Variants in DCLK2 observed in about 807,000 individuals in gnomAD.
DCLK2 encodes the protein doublecortin like kinase 2, also known as serine/threonine-protein kinase DCLK2.
DCLK2 carries 31 observed loss-of-function variants against 78.4 expected under a neutral mutation model. The ratio of observed to expected loss-of-function variants is 0.40; its 90% CI spans 0.30 to 0.53. The LOEUF (loss-of-function observed/expected upper bound fraction) is 0.53. DCLK2 is among the 20% of genes least tolerant of loss of function. DCLK2 has a pLI of 0.61. For synonymous variants in DCLK2, 407 were observed against 374.9 expected, an observed-to-expected ratio of 1.09 and a Z score of -0.99; for missense variants, 872 against 973.7, an observed-to-expected ratio of 0.90 and a Z score of 1.39.
At chr4:150,203,606 T>TG (rs1739613597) in intron 4 of DCLK2, among the ~76,000 whole-genome samples, 189 bp from the exon 5 acceptor site, 1 of 151,786 alleles carries the variant, frequency 6.6e-6, no homozygotes. Flanking sequence ...CACTCTGTTT[T>TG]TTTTTTTTTT....
At chr4:150,096,138 G>A (rs965808375) in intron 1 of DCLK2, among the ~76,000 whole-genome samples, 11 of 152,212 alleles carry the variant, frequency 7.2e-5, no homozygotes, top group African/African-American at 2.7e-4. Flanking sequence ...AGAAGGCAGG[G>A]TAGAAGGAGT....
chr4:150,131,284 A>C (rs555569769), intron 2 of DCLK2, among the ~76,000 whole-genome samples: 1 of 152,178 alleles, frequency 6.6e-6, no homozygotes. Context: ...AAATTAAACA[A>C]ATGTGATATT....
rs57146406 is a variant in DCLK2, at chr4:150,091,769, ATGTGTGTG to A, written c.422-10677_422-10670del. 3.5e-3 allele frequency among the ~76,000 whole-genome samples: 412 copies of A among 116,980 alleles called. 3 individuals carry two copies. Among genetic ancestry groups the A allele is most frequent in the East Asian group, 9.0e-3 (39 of 4,322 alleles). The allele number at this position is 116,980 out of a possible 152,430, so 76.7% of individuals were successfully genotyped here. On this transcript the variant is annotated intron_variant, in intron 1 of 15. Transcript: ENST00000296550. ...GTTCTTTGTCCTAAAAGGAACATTT[ATGTGTGTG>A]TGTGTGTGTGTGTGTGTGTGTGTGT...
chr4:150,181,093 G>T (rs1039393621), intron 2 of DCLK2, among the ~76,000 whole-genome samples: 2 of 152,150 alleles, frequency 1.3e-5, no homozygotes, highest in Admixed American at 6.5e-5. Context: ...ACTCTTGATT[G>T]GACCTAAGCA....
At chr4:150,143,379 C>T (rs1369988978) in intron 2 of DCLK2, among the ~76,000 whole-genome samples, 2 of 152,132 alleles carry the variant, frequency 1.3e-5, no homozygotes, top group Non-Finnish European at 2.9e-5. Flanking sequence ...TGAGGTGGCT[C>T]ATGCCTGTGA....
intron 5 of DCLK2, among the ~76,000 whole-genome samples, chr4:150,213,548 A>G (rs1292061795): frequency 2.0e-5 from 3 of 152,032 alleles, no homozygotes; most frequent in South Asian, 2.1e-4. Context: ...TGTTGAAAAA[A>G]CCCACAAAAA....
chr4:150,177,472 C>T (rs920730731), intron 2 of DCLK2, among the ~76,000 whole-genome samples: 6 of 151,918 alleles, frequency 3.9e-5, no homozygotes, highest in Admixed American at 3.9e-4. Flanking sequence ...TTTCCTCCAT[C>T]GAAGAACTTT....
chr4:150,121,070 T>TA (rs374179742), intron 2 of DCLK2, among the ~76,000 whole-genome samples: 2,536 of 149,094 alleles, frequency 0.017, 65 homozygotes, highest in African/African-American at 0.056. Context: ...AAACTTTGTC[T>TA]AAAAAAAAAA....
chr4:150,158,848 A>G (rs1312411458), intron 2 of DCLK2, among the ~76,000 whole-genome samples: 1 of 152,100 alleles, frequency 6.6e-6, no homozygotes, highest in African/African-American at 2.4e-5. Context: ...TGACAGTGAG[A>G]CACCATCTCA....
intron 2 of DCLK2, among the ~76,000 whole-genome samples, chr4:150,168,361 A>C (rs1190471475): frequency 4.0e-5 from 6 of 151,370 alleles, no homozygotes; most frequent in Non-Finnish European, 7.4e-5. Flanking sequence ...AAAAAAAAAA[A>C]CCCAAGTCAG....
At chr4:150,167,280 A>G (rs1026843216) in intron 2 of DCLK2, among the ~76,000 whole-genome samples, 3 of 152,228 alleles carry the variant, frequency 2.0e-5, no homozygotes, top group Non-Finnish European at 2.9e-5. Flanking sequence ...TCCTTGTCTT[A>G]TGAAGGACAG....
At chr4:150,122,691 G>T (rs959126758) in intron 2 of DCLK2, among the ~76,000 whole-genome samples, 5 of 152,152 alleles carry the variant, frequency 3.3e-5, no homozygotes, top group African/African-American at 1.2e-4. Context: ...ACCATAGCAC[G>T]TGTATACCTA....
chr4:150,252,928 A>T (rs1371862318), intron 15 of DCLK2, among the ~76,000 whole-genome samples: 1 of 152,058 alleles, frequency 6.6e-6, no homozygotes, highest in Non-Finnish European at 1.5e-5. Context: ...GGTGGCACCC[A>T]TTCTCGATGG....
At chr4:150,239,565 C>A (rs1742753386) in intron 10 of DCLK2, among the ~76,000 whole-genome samples, 177 bp from the exon 11 acceptor site, 1 of 151,842 alleles carries the variant, frequency 6.6e-6, no homozygotes, top group African/African-American at 2.4e-5. Context: ...CACACCACCG[C>A]ACTCCAGCCT....
rs9307872 is a variant in DCLK2, at chr4:150,256,364, C to T, written c.*117C>T. The T allele has an allele frequency of 0.043, 59,042 of 1,370,456 alleles. 1,838 individuals are homozygous for T. The highest frequency in any genetic ancestry group is 0.19 in the East Asian group (7,454 of 39,020). The allele number at this position is 1,370,456 out of a possible 1,614,324, so 84.9% of individuals were successfully genotyped here. ...TCTTCACCGCCTGCGCCTGAGTTCG[C>T]GGGTCCTCCGCAGGCCGCCTGGGAA... On this transcript the variant is annotated 3_prime_UTR_variant, in exon 16 of 16. Transcript: ENST00000296550.
chr4:150,147,125 A>T (rs894118326), intron 2 of DCLK2, among the ~76,000 whole-genome samples: 22 of 152,074 alleles, frequency 1.4e-4, no homozygotes, highest in Non-Finnish European at 2.9e-4. Context: ...TCTACCAAAA[A>T]AAAAATAAAA....
chr4:150,126,276 C>T (rs1020664493), intron 2 of DCLK2, among the ~76,000 whole-genome samples: 1 of 152,144 alleles, frequency 6.6e-6, no homozygotes, highest in African/African-American at 2.4e-5. Context: ...AGGCACTCTA[C>T]GAGACACATG....
Position 150,106,515 on chromosome 4 carries a change from A to G in DCLK2, c.756+3703A>G, listed in dbSNP as rs187032206. On this transcript the variant is annotated intron_variant, in intron 2 of 15. Transcript: ENST00000296550. ...CGTTGATAAGTTGTCTGTGTACAAA[A>G]TTGTAAACTGTCTGCCTAAATTTTA... Among the ~76,000 whole-genome samples, 295 of 151,916 alleles carry G rather than the reference A, an allele frequency of 1.9e-3. 1 individual carries two copies. The highest frequency in any genetic ancestry group is 3.4e-3 in the Middle Eastern group (1 of 294).
intron 5 of DCLK2, among the ~76,000 whole-genome samples, chr4:150,208,882 C>T (rs573014146): frequency 1.6e-3 from 247 of 152,210 alleles, no homozygotes; most frequent in African/African-American, 5.9e-3. Flanking sequence ...CTCAGTGGAG[C>T]TGAGTATTGT....
Sources: gnomAD v4.1 joint callset for allele counts (sites outside exome capture counted in the v4.1 genomes callset) on GRCh38, gnomAD v4.1.1 for gene constraint, MANE v1.5 for transcripts, NCBI Gene and HGNC (gene_info 2026-07-23, HGNC 2026-07-21) for gene names.